The following DNAH5 variants were observed in gnomAD, a reference collection of about 807,000 sequenced individuals.
DNAH5 encodes the protein dynein axonemal heavy chain 5, also known as axonemal beta dynein heavy chain 5.
Under a neutral mutation model 518.2 loss-of-function variants are expected in DNAH5, and 372 were observed. The ratio of observed to expected loss-of-function variants is 0.72; its 90% confidence interval spans 0.66 to 0.78. The LOEUF (loss-of-function observed/expected upper bound fraction) is 0.78, where lower values mean the gene tolerates loss of function less well. DNAH5 is among the 30% of genes least tolerant of loss of function. The pLI is 0.00. For synonymous variants in DNAH5, 2,039 were observed against 2,025.9 expected, an observed-to-expected ratio of 1.01 and a Z score of -0.17; for missense variants, 5,523 against 5,687.0, an observed-to-expected ratio of 0.97 and a Z score of 0.93.
chr5:13,976,387 G>C (rs191211192), intron 1 of DNAH5, among the ~76,000 whole-genome samples: 1 of 152,066 alleles, frequency 6.6e-6, no homozygotes, highest in Non-Finnish European at 1.5e-5. Context: ...ACTCACACTC[G>C]TGCTGTGTCC....
At position 13,711,681 on chromosome 5, in the gene DNAH5, A is replaced by C. The variant is rs148215783; in HGVS notation, c.13125+2724T>G. ...AGAAATCAGCAAAGTTTCTAGATAC[A>C]AGATTAATGTACACAAATCACAAAT... On this transcript the variant is annotated intron_variant, in intron 75 of 78. Transcript: ENST00000265104. Among the ~76,000 whole-genome samples, 24 of 152,366 alleles carry C rather than the reference A, an allele frequency of 1.6e-4. No individual in the cohort carries two copies. The East Asian group carries it at 4.6e-3, about 29-fold the overall frequency.
At chr5:13,937,596 A>G (rs2152019441) in intron 1 of DNAH5, among the ~76,000 whole-genome samples, 1 of 151,996 alleles carries the variant, frequency 6.6e-6, no homozygotes, top group Admixed American at 6.6e-5. Flanking sequence ...ATCATACTGC[A>G]TATACCAGGT....
intron 65 of DNAH5, among the ~76,000 whole-genome samples, chr5:13,744,685 A>T (rs1465278547): frequency 6.6e-6 from 1 of 152,120 alleles, no homozygotes; most frequent in Admixed American, 6.6e-5. Flanking sequence ...TGAACATAGC[A>T]TTTGTTAATT....
At chr5:13,811,615 A>G (rs1408027386) in intron 44 of DNAH5, 32 bp downstream of exon 44, 1 of 1,604,472 alleles carries the variant, frequency 6.2e-7, no homozygotes, top group South Asian at 1.1e-5. Context: ...AGTTGATAAG[A>G]GAGAATTTCT....
At chr5:13,805,702 ATCTTT>A (rs1477443474) in intron 47 of DNAH5, among the ~76,000 whole-genome samples, 7 of 152,164 alleles carry the variant, frequency 4.6e-5, no homozygotes, top group African/African-American at 1.4e-4. Flanking sequence ...CGCCCTCTTT[ATCTTT>A]TCTTTTGACT....
At chr5:13,739,812 T>C (rs1748164230) in intron 65 of DNAH5, among the ~76,000 whole-genome samples, 1 of 152,184 alleles carries the variant, frequency 6.6e-6, no homozygotes, top group African/African-American at 2.4e-5. Context: ...TATTCATTTT[T>C]AGTACTTAGT....
chr5:13,871,165 A>G (rs1419528955), intron 23 of DNAH5, among the ~76,000 whole-genome samples, 163 bp from the exon 24 acceptor site: 2 of 152,210 alleles, frequency 1.3e-5, no homozygotes, highest in African/African-American at 4.8e-5. Context: ...CTCATTATAT[A>G]TTCATTCATT....
chr5:13,706,593 C>G (rs939099065), intron 76 of DNAH5, among the ~76,000 whole-genome samples: 1 of 152,206 alleles, frequency 6.6e-6, no homozygotes, highest in Non-Finnish European at 1.5e-5. Context: ...ACATCACACA[C>G]AGACACATGC....
chr5:13,867,511 T>G (rs1267530863), intron 25 of DNAH5, among the ~76,000 whole-genome samples: 1 of 152,166 alleles, frequency 6.6e-6, no homozygotes, highest in African/African-American at 2.4e-5. Flanking sequence ...CATGCTGAAC[T>G]GTGAGTCAAT....
intron 55 of DNAH5, among the ~76,000 whole-genome samples, chr5:13,775,139 T>TG (rs1270139215): frequency 2.0e-5 from 3 of 151,454 alleles, no homozygotes; most frequent in South Asian, 2.1e-4. Context: ...TTTTGTTTTT[T>TG]TTTTTTTTCA....
At chr5:13,910,649 C>T (rs566511195) in intron 12 of DNAH5, among the ~76,000 whole-genome samples, 106 of 152,164 alleles carry the variant, frequency 7.0e-4, no homozygotes, top group Non-Finnish European at 1.4e-3. Flanking sequence ...CCATCTTACC[C>T]TCCCTGACTC....
intron 55 of DNAH5, among the ~76,000 whole-genome samples, chr5:13,774,006 A>G (rs7737316): frequency 0.65 from 99,120 of 151,882 alleles, 32,660 homozygotes; most frequent in African/African-American, 0.7. Context: ...GGTAGGTAGG[A>G]TCAGCTCTTC....
intron 35 of DNAH5, among the ~76,000 whole-genome samples, chr5:13,835,359 T>C (rs1764232460): frequency 6.6e-6 from 1 of 152,154 alleles, no homozygotes; most frequent in Non-Finnish European, 1.5e-5. Flanking sequence ...GTAAGGTTTG[T>C]TTCTTTTAAT....
intron 2 of DNAH5, among the ~76,000 whole-genome samples, chr5:13,930,534 G>A (rs1455606406): frequency 6.6e-6 from 1 of 151,982 alleles, no homozygotes; most frequent in East Asian, 1.9e-4. Context: ...ATCATCATAG[G>A]GCTGCTTATG....
At chr5:13,812,626 A>G (rs1228654388) in intron 43 of DNAH5, among the ~76,000 whole-genome samples, 1 of 152,124 alleles carries the variant, frequency 6.6e-6, no homozygotes, top group African/African-American at 2.4e-5. Context: ...TTTTTAACAG[A>G]AAACAAAGAT....
At chr5:13,711,960 T>C (rs1428244422) in intron 75 of DNAH5, among the ~76,000 whole-genome samples, 1 of 152,132 alleles carries the variant, frequency 6.6e-6, no homozygotes, top group Non-Finnish European at 1.5e-5. Context: ...ACAAATTCAA[T>C]GCAATCCCTA....
intron 22 of DNAH5, among the ~76,000 whole-genome samples, chr5:13,872,439 T>C (rs1770260921): frequency 6.6e-6 from 1 of 152,172 alleles, no homozygotes; most frequent in African/African-American, 2.4e-5. Flanking sequence ...TTTCAAAAAT[T>C]CCTTAAGTTT....
Position 13,811,716 on chromosome 5 carries a change from C to T in DNAH5, c.7338G>A (p.Lys2446=), listed in dbSNP as rs751154181. The part of the protein sequence containing the change: ...YRFCIQNLEY[K]MEVLEAFVIT... ...TGACAAAGGCCTCCAGCACCTCCAT[C>T]TTGTATTCTAAGTTCTGGATACAGA... is the stretch of plus-strand genomic sequence containing the variant. Residue 2446 remains lysine (K), a synonymous_variant, in exon 44 of 79, where the codon AAG becomes AAA. Transcript: ENST00000265104. 1.2e-6 allele frequency: 2 copies of T among 1,614,140 alleles called. No individual in the cohort carries two copies. The highest frequency in any genetic ancestry group is 1.7e-6 in the Non-Finnish European group (2 of 1,180,022).
chr5:13,707,219 C>T lies in DNAH5; in HGVS notation c.13338+904G>A, dbSNP rs10062477. 9.2e-3 allele frequency among the ~76,000 whole-genome samples: 1,353 copies of T among 147,120 alleles called. 26 individuals are homozygous for T. Among genetic ancestry groups the T allele is most frequent in the African/African-American group, 0.032 (1,273 of 40,054 alleles). On this transcript the variant is annotated intron_variant, in intron 76 of 78. Transcript: ENST00000265104. This position sits in a 1 kb window ranked among gnomAD's most constrained non-coding sequence, Gnocchi z 4.0. ...GTCAGAGAAGAGTCCGGTCACTGGG[C>T]GGCCCAACTCCAGGGGAAGACCACC... is the stretch of plus-strand genomic sequence containing the variant.
Sources: gnomAD v4.1 joint callset for allele counts (sites outside exome capture counted in the v4.1 genomes callset) on GRCh38, gnomAD v4.1.1 for gene constraint, Gnocchi (gnomAD v3.1) non-coding constraint, MANE v1.5 for transcripts, NCBI Gene and HGNC (gene_info 2026-07-23, HGNC 2026-07-21) for gene names.